Variants in ADAM18 observed in about 807,000 individuals in gnomAD.
ADAM18 encodes ADAM metallopeptidase domain 18.
ADAM18 carries 117 observed loss-of-function variants against 94.4 expected under a neutral mutation model. The observed-to-expected ratio is 1.24, with a 90% CI of 1.07 to 1.45. ADAM18 has a LOEUF of 1.45. Among genes scored for constraint, ADAM18 ranks in the 40% most tolerant of loss-of-function variants. The pLI, the probability that ADAM18 is intolerant of heterozygous loss-of-function variation, is 0.00. For missense variants in ADAM18, 936 were observed against 880.0 expected, an observed-to-expected ratio of 1.06 and a Z score of -0.81; for synonymous variants, 327 against 291.6, an observed-to-expected ratio of 1.12 and a Z score of -1.24.
At chr8:39,663,598 C>CAAA (rs10597769) in intron 12 of ADAM18, among the ~76,000 whole-genome samples, 197 bp from the exon 13 acceptor site, 400 of 19,098 alleles carry the variant, frequency 0.021, no homozygotes, top group Non-Finnish European at 0.024. Flanking sequence ...AATCCTGTCT[C>CAAA]AAAAAAAAAA....
intron 2 of ADAM18, among the ~76,000 whole-genome samples, chr8:39,596,288 C>T (rs1484214390): frequency 2.0e-5 from 3 of 152,154 alleles, no homozygotes; most frequent in Non-Finnish European, 2.9e-5. Context: ...TAGTATCATA[C>T]AGAATAAGTT....
chr8:39,649,943 C>T (rs970844349), intron 12 of ADAM18, among the ~76,000 whole-genome samples: 20 of 152,072 alleles, frequency 1.3e-4, no homozygotes, highest in African/African-American at 4.1e-4. Context: ...TACAGCCTTG[C>T]CCATGTGTTT....
At position 39,599,955 on chromosome 8, in the gene ADAM18, A is replaced by G. The variant is rs527974939; in HGVS notation, c.133-6352A>G. 1.3e-4 allele frequency among the ~76,000 whole-genome samples: 20 copies of G among 152,058 alleles called. 1 individual carries two copies. In the South Asian group the frequency reaches 3.9e-3, roughly 30 times the overall value. On this transcript the variant is annotated intron_variant, in intron 2 of 19. Coordinates refer to ENST00000265707, the MANE Select transcript of ADAM18 (RefSeq NM_014237.3). ...CACTGGCTAGAACCTCCAGTACCAT[A>G]TTCAATAAAAAGTGTGAAATAAATT...
At chr8:39,667,024 C>T (rs914204429) in intron 13 of ADAM18, among the ~76,000 whole-genome samples, 11 of 152,072 alleles carry the variant, frequency 7.2e-5, no homozygotes, top group Non-Finnish European at 1.3e-4. Context: ...AAAATTTTGG[C>T]AATAACTGTA....
At chr8:39,714,276 C>T (rs1214590679) in intron 18 of ADAM18, among the ~76,000 whole-genome samples, 1 of 152,162 alleles carries the variant, frequency 6.6e-6, no homozygotes, top group South Asian at 2.1e-4. Flanking sequence ...ACATCACACA[C>T]CAGGGCCTGT....
intron 16 of ADAM18, among the ~76,000 whole-genome samples, chr8:39,684,175 A>C (rs1308868038): frequency 3.9e-5 from 6 of 152,028 alleles, no homozygotes; most frequent in African/African-American, 1.5e-4. Flanking sequence ...TAAGTAAATA[A>C]ACAATAAATT....
chr8:39,629,493 A>G, intron 7 of ADAM18, 54 bp downstream of exon 7: 1 of 1,251,814 alleles, frequency 8.0e-7, no homozygotes, highest in Non-Finnish European at 1.1e-6. Flanking sequence ...GCTTTCAAGA[A>G]AGAACTTTCC....
intron 6 of ADAM18, among the ~76,000 whole-genome samples, chr8:39,625,870 A>G (rs1819753958): frequency 6.6e-6 from 1 of 152,114 alleles, no homozygotes; most frequent in Non-Finnish European, 1.5e-5. Context: ...CCTGAGGTGA[A>G]ACCTTCTGAT....
At chr8:39,622,938 A>G (rs1350204873) in intron 6 of ADAM18, among the ~76,000 whole-genome samples, 1 of 152,060 alleles carries the variant, frequency 6.6e-6, no homozygotes, top group Non-Finnish European at 1.5e-5. Context: ...GATGAATTGT[A>G]TAGTGGTGAT....
intron 18 of ADAM18, among the ~76,000 whole-genome samples, chr8:39,715,755 A>G (rs1822553346): frequency 6.6e-6 from 1 of 152,104 alleles, no homozygotes; most frequent in African/African-American, 2.4e-5. Flanking sequence ...TGAAACAGAT[A>G]ATTCTAATAG....
At chr8:39,661,624 T>C (rs1273533374) in intron 12 of ADAM18, among the ~76,000 whole-genome samples, 2 of 152,104 alleles carry the variant, frequency 1.3e-5, no homozygotes, top group Non-Finnish European at 2.9e-5. Context: ...ATGCCAAGAC[T>C]ATAAAACAGT....
chr8:39,711,480 T>C (rs1190311792), intron 18 of ADAM18, among the ~76,000 whole-genome samples: 1 of 151,770 alleles, frequency 6.6e-6, no homozygotes, highest in Non-Finnish European at 1.5e-5. Context: ...CTCAAACACC[T>C]AAAGGAAAAC....
chr8:39,683,237 C>T (rs377698867), intron 16 of ADAM18, among the ~76,000 whole-genome samples: 1 of 152,190 alleles, frequency 6.6e-6, no homozygotes, highest in Non-Finnish European at 1.5e-5. Context: ...CATGTTAATA[C>T]AACAGCCTTC....
At chr8:39,681,932 G>A (rs1821473491) in intron 16 of ADAM18, among the ~76,000 whole-genome samples, 1 of 152,120 alleles carries the variant, frequency 6.6e-6, no homozygotes, top group Non-Finnish European at 1.5e-5. Flanking sequence ...TGAAGGAACT[G>A]TTAAATAAAA....
chr8:39,653,764 A>G (rs1236087777), intron 12 of ADAM18, among the ~76,000 whole-genome samples: 2 of 152,228 alleles, frequency 1.3e-5, no homozygotes, highest in Non-Finnish European at 2.9e-5. Context: ...ATATTTTGAT[A>G]CATGTATACA....
chr8:39,639,212 C>A (rs189601963), intron 10 of ADAM18, among the ~76,000 whole-genome samples: 29 of 151,890 alleles, frequency 1.9e-4, no homozygotes, highest in East Asian at 1.2e-3. Flanking sequence ...CCACAAAGAT[C>A]AAAAAATAGA....
chr8:39,689,727 T>A (rs980830499), intron 16 of ADAM18, among the ~76,000 whole-genome samples: 1 of 152,230 alleles, frequency 6.6e-6, no homozygotes, highest in Non-Finnish European at 1.5e-5. Context: ...TTTCTAGTTC[T>A]GTGAAGAATC....
intron 2 of ADAM18, chr8:39,605,662 G>A: frequency 5.0e-6 from 1 of 199,830 alleles, no homozygotes; most frequent in South Asian, 7.3e-5. Context: ...ATGCTAAAAT[G>A]CTAAATATAT....
chr8:39,658,688 G>A (rs1820751609), intron 12 of ADAM18, among the ~76,000 whole-genome samples: 1 of 152,018 alleles, frequency 6.6e-6, no homozygotes, highest in East Asian at 1.9e-4. Context: ...AGCAGTAAGA[G>A]GAAAAAAACA....
Sources: gnomAD v4.1 joint callset for allele counts (sites outside exome capture counted in the v4.1 genomes callset) on GRCh38, gnomAD v4.1.1 for gene constraint, MANE v1.5 for transcripts, NCBI Gene and HGNC (gene_info 2026-07-23, HGNC 2026-07-21) for gene names.